The following MTAP variants were observed in gnomAD, a reference collection of about 807,000 sequenced individuals.
MTAP encodes methylthioadenosine phosphorylase.
In MTAP, 33 loss-of-function variants were observed where a neutral mutation model predicts 33.6. That is an observed-to-expected ratio of 0.98 (90% confidence interval 0.74 to 1.31). MTAP has a LOEUF of 1.31. Ranked by LOEUF, MTAP falls within the 40% of genes most tolerant of loss-of-function variation. MTAP has a pLI of 0.00. For synonymous variants in MTAP, 148 were observed against 125.7 expected, an observed-to-expected ratio of 1.18 and a Z score of -1.19; for missense variants, 367 against 360.0, an observed-to-expected ratio of 1.02 and a Z score of -0.16.
downstream of MTAP, among the ~76,000 whole-genome samples, chr9:21,868,189 T>C (rs947034972): frequency 6.6e-6 from 1 of 152,218 alleles, no homozygotes; most frequent in African/African-American, 2.4e-5. Context: ...GTTCCTTTAA[T>C]TGATATATTT....
chr9:21,828,675 C>CA (rs1019427505), intron 4 of MTAP, among the ~76,000 whole-genome samples: 9 of 149,262 alleles, frequency 6.0e-5, no homozygotes, highest in Admixed American at 2.0e-4. Context: ...AACTCCATCT[C>CA]AAAAAAAAAG....
rs936520886 is a variant in MTAP, at chr9:21,866,006, G to A, written c.*3992G>A. The A allele has an allele frequency of 1.2e-5, 2 of 161,524 alleles. No individual in the cohort carries two copies. The highest frequency in any genetic ancestry group is 2.4e-5 in the African/African-American group (1 of 41,580). The allele number at this position is 161,524 out of a possible 1,614,324, so 10.0% of individuals were successfully genotyped here. A position where few individuals can be genotyped will look rare whatever the true frequency, so the allele number is the denominator to read the frequency against. ...TTTTTGTGAACATATTTTCACTTGT[G>A]CAAATGCCTATACTCCCACCAGTAA... On this transcript the variant is annotated 3_prime_UTR_variant, in exon 8 of 8. Transcript: ENST00000644715.
At chr9:21,867,202 A>T (rs938808254), downstream of MTAP, 6 of 152,166 alleles carry the variant, frequency 3.9e-5, no homozygotes, top group African/African-American at 1.4e-4. Flanking sequence ...AATGGCTAGG[A>T]CCTTCAACCT....
chr9:21,886,347 A>G (rs1818110925), intron 1 of MTAP, among the ~76,000 whole-genome samples: 1 of 152,074 alleles, frequency 6.6e-6, no homozygotes, highest in South Asian at 2.1e-4. Context: ...GATTCTGGAT[A>G]TTAGTCTTTT....
chr9:21,908,204 A>G (rs1238726008), intron 1 of MTAP, among the ~76,000 whole-genome samples: 4 of 152,136 alleles, frequency 2.6e-5, no homozygotes, highest in Non-Finnish European at 4.4e-5. Flanking sequence ...TGTTATATAA[A>G]ATGGAATCAT....
At chr9:21,832,107 A>G (rs766329880) in intron 4 of MTAP, among the ~76,000 whole-genome samples, 1 of 152,142 alleles carries the variant, frequency 6.6e-6, no homozygotes, top group Non-Finnish European at 1.5e-5. Flanking sequence ...TATTTCTTCA[A>G]CTTATTTTCT....
intron 1 of MTAP, among the ~76,000 whole-genome samples, chr9:21,917,217 G>A (rs1818706146): frequency 6.6e-6 from 1 of 152,198 alleles, no homozygotes; most frequent in Non-Finnish European, 1.5e-5. Flanking sequence ...ATACCCAAGT[G>A]GAGATGTCAG....
At chr9:21,810,950 G>T (rs1462548697) in intron 1 of MTAP, among the ~76,000 whole-genome samples, 1 of 152,176 alleles carries the variant, frequency 6.6e-6, no homozygotes, top group African/African-American at 2.4e-5. Flanking sequence ...AGGCTTCCAG[G>T]ATTTTGCAAG....
At chr9:21,931,318 A>G, downstream of MTAP, 1 of 576,782 alleles carries the variant, frequency 1.7e-6, no homozygotes. Flanking sequence ...TTGCGGGGGA[A>G]AATGTTAGAG....
downstream of MTAP, chr9:21,932,234 T>A (rs561953711): frequency 6.6e-6 from 1 of 152,348 alleles, no homozygotes; most frequent in Admixed American, 6.5e-5. Context: ...CCCATAATTA[T>A]TCCTGGGCTT....
intron 1 of MTAP, among the ~76,000 whole-genome samples, chr9:21,927,507 A>G (rs1587303432): frequency 6.6e-6 from 1 of 152,336 alleles, no homozygotes; most frequent in South Asian, 2.1e-4. Flanking sequence ...TGCCACTACT[A>G]GAAGAGGATA....
downstream of MTAP, among the ~76,000 whole-genome samples, chr9:21,868,128 T>G (rs1023375967): frequency 5.3e-5 from 8 of 152,198 alleles, no homozygotes; most frequent in Admixed American, 1.3e-4. Context: ...AGACTTAAAC[T>G]GTCTACTTCA....
intron 1 of MTAP, among the ~76,000 whole-genome samples, chr9:21,917,815 A>G (rs1306365059): frequency 6.6e-6 from 1 of 152,252 alleles, no homozygotes; most frequent in African/African-American, 2.4e-5. Context: ...ACAATTAGCA[A>G]ATGCAAGAAT....
intron 4 of MTAP, among the ~76,000 whole-genome samples, chr9:21,827,597 A>G (rs1390753245): frequency 6.6e-6 from 1 of 152,332 alleles, no homozygotes; most frequent in East Asian, 1.9e-4. Flanking sequence ...ATGTATTTAT[A>G]CCTGACATTA....
intron 5 of MTAP, among the ~76,000 whole-genome samples, chr9:21,839,019 A>G (rs150677622): frequency 2.4e-4 from 37 of 152,334 alleles, no homozygotes; most frequent in African/African-American, 8.2e-4. Flanking sequence ...GTTAACAGCA[A>G]GGGCACCTAA....
chr9:21,880,278 C>T (rs1051995954), intron 1 of MTAP, among the ~76,000 whole-genome samples: 1 of 152,238 alleles, frequency 6.6e-6, no homozygotes, highest in East Asian at 1.9e-4. Context: ...AGAAGGCCCT[C>T]ACCAGATGCC....
chr9:21,875,709 C>T (rs1316025454), intron 1 of MTAP, among the ~76,000 whole-genome samples: 2 of 152,122 alleles, frequency 1.3e-5, no homozygotes, highest in Admixed American at 1.3e-4. Context: ...TATGTTCCAA[C>T]AAAAGATATG....
rs114037158 is a variant in MTAP, at chr9:21,880,171, G to A, written c.147+25301G>A. Among the ~76,000 whole-genome samples, 835 of 152,168 alleles carry A rather than the reference G, an allele frequency of 5.5e-3. 3 individuals carry two copies. Among genetic ancestry groups the A allele is most frequent in the African/African-American group, 0.018 (744 of 41,534 alleles). ...ATGAAGTCATCAAGGTGGATCCCCC[G>A]TAAAGGAATAAGTGACTTCATAAGA... On this transcript the variant is annotated intron_variant, in intron 1 of 1. Coordinates refer to the MTAP transcript ENST00000577563.
At chr9:21,900,821 C>A (rs1012372873) in intron 1 of MTAP, among the ~76,000 whole-genome samples, 2 of 152,256 alleles carry the variant, frequency 1.3e-5, no homozygotes, top group African/African-American at 4.8e-5. Context: ...ATACATCACG[C>A]AATACTATGC....
Sources: allele counts gnomAD v4.1 joint callset (sites outside exome capture counted in the v4.1 genomes callset), GRCh38; gene constraint gnomAD v4.1.1; transcripts MANE v1.5; gene names NCBI Gene and HGNC (gene_info 2026-07-23, HGNC 2026-07-21).